SLC38A3: variants seen among roughly 807,000 people sequenced by gnomAD.
SLC38A3 encodes the protein sodium-coupled neutral amino acid transporter 3.
SLC38A3 carries 17 observed loss-of-function variants against 59.5 expected under a neutral mutation model. That is an observed-to-expected ratio of 0.29 (90% CI 0.20 to 0.43). The LOEUF (loss-of-function observed/expected upper bound fraction) is 0.43, where lower values mean the gene tolerates loss of function less well. SLC38A3 is among the 20% of genes least tolerant of loss of function. The pLI is 1.00. For missense variants in SLC38A3, 454 were observed against 653.9 expected, an observed-to-expected ratio of 0.69 and a Z score of 3.33; for synonymous variants, 238 against 260.3, an observed-to-expected ratio of 0.91 and a Z score of 0.82.
At position 50,214,185 on chromosome 3, in the gene SLC38A3, G is replaced by A. The variant is rs1699780216; in HGVS notation, c.-15G>A. The A allele has an allele frequency of 6.2e-7, 1 of 1,609,922 alleles. No individual in the cohort carries two copies. Among genetic ancestry groups the A allele is most frequent in the Non-Finnish European group, 8.5e-7 (1 of 1,177,292 alleles). On this transcript the variant is annotated 5_prime_UTR_variant, in exon 2 of 16. Coordinates refer to ENST00000614032, the MANE Select transcript of SLC38A3 (RefSeq NM_006841.6). The surrounding 1 kb of genome is among the most constrained non-coding windows in gnomAD (Gnocchi z 6.0). The stretch of plus-strand genomic sequence containing the variant: ...TTGGTGTGAGACCAGTGCTCCTGGT[G>A]GTGTGCCCTGAGCCATGGAGGCGCC...
chr3:50,209,217 C>T (rs1053122987), intron 1 of SLC38A3, among the ~76,000 whole-genome samples: 2 of 152,194 alleles, frequency 1.3e-5, no homozygotes, highest in African/African-American at 4.8e-5. Flanking sequence ...TGCTGTTGCT[C>T]TAGCCCACTC....
At position 50,214,625 on chromosome 3, in the gene SLC38A3, C is replaced by T. The variant is rs1175181245; in HGVS notation, c.184-28C>T. ...CCTGTCCCTTGCTGACTCCTCCCAC[C>T]CTCCCCGTCCCATTCTGGTGCCTGC... On this transcript the variant is annotated intron_variant, in intron 3 of 15. Transcript: ENST00000614032. This position sits in a 1 kb window ranked among gnomAD's most constrained non-coding sequence, Gnocchi z 6.0. The T allele has an allele frequency of 4.6e-6, 7 of 1,536,000 alleles. No homozygotes were observed. The Admixed American group carries it at 7.0e-5, about 15-fold the overall frequency.
At position 50,218,863 on chromosome 3, in the gene SLC38A3, T is replaced by C. The variant is rs1401469849; in HGVS notation, c.1221T>C (p.His407=). 1 of 1,613,662 alleles carries C rather than the reference T, an allele frequency of 6.2e-7. No individual in the cohort carries two copies. Among genetic ancestry groups the C allele is most frequent in the South Asian group, 1.1e-5 (1 of 91,080 alleles). Residue 407 remains histidine, a synonymous_variant, in exon 14 of 16, where the codon CAT becomes CAC. Coordinates refer to ENST00000614032, the MANE Select transcript of SLC38A3 (RefSeq NM_006841.6). This position sits in a 1 kb window ranked among gnomAD's most constrained non-coding sequence, Gnocchi z 5.8. The part of the protein sequence containing the change: ...FPNQEFSWLR[H]VLIAVGLLTC... Reference sequence around the variant, plus strand: ...ACCAGGAGTTCAGCTGGCTGCGGCATGTGCTTATTGCCGTTGGCCTGCTCA... The same window carrying C: ...ACCAGGAGTTCAGCTGGCTGCGGCACGTGCTTATTGCCGTTGGCCTGCTCA...
rs1699833438 is a variant in SLC38A3, at chr3:50,217,420, C to T, written c.637C>T (p.Leu213=). ...PLALMRQLGY[L]GYSSGFSLSC... ...GTGCTCCCTCCACTTTGCAGGCTAC[C>T]TGGGCTACTCCAGCGGCTTCTCTCT... Residue 213 remains leucine, a synonymous_variant, in exon 9 of 16, where the codon CTG becomes TTG. Transcript: ENST00000614032. The surrounding 1 kb of genome is among the most constrained non-coding windows in gnomAD (Gnocchi z 4.9). 2 of 1,613,244 alleles carry T rather than the reference C, an allele frequency of 1.2e-6. No homozygotes were observed. Among genetic ancestry groups the T allele is most frequent in the African/African-American group, 2.7e-5 (2 of 74,914 alleles).
chr3:50,210,123 C>T (rs1358154768), intron 1 of SLC38A3, among the ~76,000 whole-genome samples: 1 of 152,198 alleles, frequency 6.6e-6, no homozygotes, highest in Non-Finnish European at 1.5e-5. Context: ...CTGGTTTCCC[C>T]CCTTACTAAC....
rs2282750 is a variant in SLC38A3 at position 50,219,588 on chromosome 3, C to G, written c.1307-293C>G. ...GAGAAGCCTTCAAGTATAGCTGCAGCCTGGAGCCCAATACCCTTAAGCCCT... is the reference window on the plus strand; with the variant it reads ...GAGAAGCCTTCAAGTATAGCTGCAGGCTGGAGCCCAATACCCTTAAGCCCT... On this transcript the variant is annotated intron_variant, in intron 14 of 15. Transcript: ENST00000614032. 0.053 allele frequency among the ~76,000 whole-genome samples: 8,121 copies of G among 152,300 alleles called. 1,538 individuals are homozygous for G. In the East Asian group the frequency reaches 0.6, roughly 11 times the overall value.
chr3:50,214,515 A>G lies in SLC38A3; in HGVS notation c.183+32A>G, dbSNP rs377107626. ...AGGGCAGCAACGGGTTTTAGGGGAC[A>G]CTGTGGGGAGCTTGGATGCAGTAAT... is the stretch of plus-strand genomic sequence containing the variant. On this transcript the variant is annotated intron_variant, in intron 3 of 15. Transcript: ENST00000614032. The surrounding 1 kb of genome is among the most constrained non-coding windows in gnomAD (Gnocchi z 6.0). 8.4e-6 allele frequency: 13 copies of G among 1,541,518 alleles called. No individual in the cohort carries two copies. Among genetic ancestry groups the G allele is most frequent in the Non-Finnish European group, 1.1e-5 (13 of 1,136,484 alleles).
intron 1 of SLC38A3, among the ~76,000 whole-genome samples, chr3:50,211,488 T>G: frequency 6.6e-6 from 1 of 152,098 alleles, no homozygotes; most frequent in East Asian, 1.9e-4. Flanking sequence ...CTCTTTCCTG[T>G]TTGACACCCC....
In SLC38A3 at chr3:50,217,773, T is replaced by G. The variant is rs1239484670; in HGVS notation, c.788T>G (p.Val263Gly). 1 of 1,613,908 alleles carries G rather than the reference T, an allele frequency of 6.2e-7. No individual in the cohort carries two copies. Among genetic ancestry groups the G allele is most frequent in the Admixed American group, 1.7e-5 (1 of 59,992 alleles). Residue 263 changes from valine (V) to glycine (G), a missense_variant, in exon 10 of 16, where the codon GTG (valine) becomes GGG (glycine). Coordinates refer to ENST00000614032, the MANE Select transcript of SLC38A3 (RefSeq NM_006841.6). The surrounding 1 kb of genome is among the most constrained non-coding windows in gnomAD (Gnocchi z 4.9). ...FSHVEIVKEKVQLQVEPEASA... is the reference protein window; with the variant it reads ...FSHVEIVKEKGQLQVEPEASA... ...CACGTGGAGATCGTGAAGGAGAAGG[T>G]GCAGCTGCAGGTCGAGCCTGAGGCT...
At chr3:50,210,725 AC>A (rs1310837069) in intron 1 of SLC38A3, among the ~76,000 whole-genome samples, 1 of 152,142 alleles carries the variant, frequency 6.6e-6, no homozygotes, top group Non-Finnish European at 1.5e-5. Context: ...GGCGGGCGTT[AC>A]CTGCTGCGCC....
chr3:50,209,306 G>A (rs1475308533), intron 1 of SLC38A3, among the ~76,000 whole-genome samples: 1 of 152,204 alleles, frequency 6.6e-6, no homozygotes, highest in Admixed American at 6.5e-5. Flanking sequence ...TGGGAAGGGA[G>A]GCTGAGGTGC....
chr3:50,220,090 G>A lies in SLC38A3; in HGVS notation c.1428G>A (p.Met476Ile), dbSNP rs1416153066. ...TPKILALCFA[M>I]LGFLLMTMSL... ...TTCCACAGGCCCTGTGTTTTGCTAT[G>A]CTTGGCTTCTTGCTGATGACCATGA... The change falls in exon 16 of 16, where the codon ATG becomes ATA. Residue 476 changes from methionine (M) to isoleucine (I), a missense_variant. This residue lies in a region of SLC38A3 where 59 missense variants were observed against 70.8 expected (regional missense o/e 0.83). Transcript: ENST00000614032. 6.2e-7 allele frequency: 1 copy of A among 1,606,780 alleles called. No individual in the cohort carries two copies. Among genetic ancestry groups the A allele is most frequent in the Non-Finnish European group, 8.5e-7 (1 of 1,176,258 alleles).
chr3:50,215,389 C>T lies in SLC38A3; in HGVS notation c.303C>T (p.Phe101=). The change falls in exon 5 of 16, where the codon TTC becomes TTT. Residue 101 remains phenylalanine, a synonymous_variant. Transcript: ENST00000614032. This position sits in a 1 kb window ranked among gnomAD's most constrained non-coding sequence, Gnocchi z 7.1. ...MANTGIILFL[F]LLTAVALLSS... ...CCATCTTCCCATGTGTCCCCAGGTT[C>T]CTGTTGACAGCTGTCGCCTTGCTCT... 1 of 1,613,936 alleles carries T rather than the reference C, an allele frequency of 6.2e-7. No individual in the cohort carries two copies. Among genetic ancestry groups the T allele is most frequent in the East Asian group, 2.2e-5 (1 of 44,882 alleles).
At position 50,218,751 on chromosome 3, in the gene SLC38A3, G is replaced by A. The variant is rs746940188; in HGVS notation, c.1161+34G>A. On this transcript the variant is annotated intron_variant, in intron 13 of 15. Transcript: ENST00000614032. The surrounding 1 kb of genome is among the most constrained non-coding windows in gnomAD (Gnocchi z 5.8). ...GTGGGCAGGTGGCTAGACTAGTGGC[G>A]GGAGGGGCTGATGGGGCCAACAGGC... The A allele has an allele frequency of 5.6e-6, 9 of 1,598,870 alleles. No individual in the cohort carries two copies. Among genetic ancestry groups the A allele is most frequent in the South Asian group, 4.4e-5 (4 of 90,760 alleles).
Position 50,217,596 on chromosome 3 carries a change from G to C in SLC38A3, c.691-80G>C. 2 of 1,590,392 alleles carry C rather than the reference G, an allele frequency of 1.3e-6. No individual in the cohort carries two copies. Among genetic ancestry groups the C allele is most frequent in the Non-Finnish European group, 1.7e-6 (2 of 1,162,496 alleles). On this transcript the variant is annotated intron_variant, in intron 9 of 15. Coordinates refer to ENST00000614032, the MANE Select transcript of SLC38A3 (RefSeq NM_006841.6). This position sits in a 1 kb window ranked among gnomAD's most constrained non-coding sequence, Gnocchi z 4.9. Reference sequence around the variant, plus strand: ...GCCAGAAGGCAGCTCCACCAGTCCTGATCTAGATGTGGCTTCATGGTGACT... The same window carrying C: ...GCCAGAAGGCAGCTCCACCAGTCCTCATCTAGATGTGGCTTCATGGTGACT...
At position 50,215,326 on chromosome 3, in the gene SLC38A3, T is replaced by A. The variant is rs1699801763; in HGVS notation, c.300-60T>A. On this transcript the variant is annotated intron_variant, in intron 4 of 15. Coordinates refer to ENST00000614032, the MANE Select transcript of SLC38A3 (RefSeq NM_006841.6). This position sits in a 1 kb window ranked among gnomAD's most constrained non-coding sequence, Gnocchi z 7.1. ...AGGCCTCCCAGAGCCCCTCACCCTC[T>A]GCCAGCCACGGTAGCCCCCCAGTGG... 1 of 1,521,596 alleles carries A rather than the reference T, an allele frequency of 6.6e-7. No homozygotes were observed. Among genetic ancestry groups the A allele is most frequent in the African/African-American group, 1.4e-5 (1 of 72,894 alleles). 94.3% of individuals were successfully genotyped at this position (1,521,596 alleles called of 1,614,324 possible).
At position 50,218,952 on chromosome 3, in the gene SLC38A3, A is replaced by T; in HGVS notation, c.1306+4A>T. 1 of 1,608,332 alleles carries T rather than the reference A, an allele frequency of 6.2e-7. No homozygotes were observed. The highest frequency in any genetic ancestry group is 8.5e-7 in the Non-Finnish European group (1 of 1,175,410). On this transcript the variant is annotated splice_donor_region_variant and intron_variant, in intron 14 of 15. Coordinates refer to ENST00000614032, the MANE Select transcript of SLC38A3 (RefSeq NM_006841.6). This position sits in a 1 kb window ranked among gnomAD's most constrained non-coding sequence, Gnocchi z 5.8. ...CTGGGCATCTTTGGGGTCATCGGTG[A>T]GGGTCTGGCCCTGCTGTGGAAGCAG... is the stretch of plus-strand genomic sequence containing the variant.
At chr3:50,211,594 T>TTTTTTTTTTTTTTTTTTTG (rs1699730367) in intron 1 of SLC38A3, among the ~76,000 whole-genome samples, 1 of 139,900 alleles carries the variant, frequency 7.1e-6, no homozygotes, top group Non-Finnish European at 1.6e-5. Flanking sequence ...TTTTTTTTTT[T>TTTTTTTTTTTTTTTTTTTG]TCTTTTTTTT....
In SLC38A3 at chr3:50,220,369, C is replaced by T. The variant is rs1166301516; in HGVS notation, c.*192C>T. The T allele has an allele frequency of 5.1e-6, 3 of 591,272 alleles. No homozygotes were observed. Among genetic ancestry groups the T allele is most frequent in the South Asian group, 3.9e-5 (2 of 50,678 alleles). 36.6% of individuals were successfully genotyped at this position (591,272 alleles called of 1,614,324 possible). A position where few individuals can be genotyped will look rare whatever the true frequency, so the allele number is the denominator to read the frequency against. ...AGGACCAAGGCCCTTGGGCCACTACCCTGCTAGGCTCTGGAGCTGTAGAGG... is the reference window on the plus strand; with the variant it reads ...AGGACCAAGGCCCTTGGGCCACTACTCTGCTAGGCTCTGGAGCTGTAGAGG... On this transcript the variant is annotated 3_prime_UTR_variant, in exon 16 of 16. Coordinates refer to ENST00000614032, the MANE Select transcript of SLC38A3 (RefSeq NM_006841.6).
Sources: gnomAD v4.1 joint callset for allele counts (sites outside exome capture counted in the v4.1 genomes callset) on GRCh38, gnomAD v4.1.1 for gene constraint, gnomAD v4.1.1 regional missense constraint, Gnocchi (gnomAD v3.1) non-coding constraint, MANE v1.5 for transcripts, NCBI Gene and HGNC (gene_info 2026-07-23, HGNC 2026-07-21) for gene names.